Variants in KCNH7 observed in about 807,000 individuals in gnomAD.
KCNH7 encodes the protein voltage-gated inwardly rectifying potassium channel KCNH7.
A neutral mutation model predicts 120.8 loss-of-function variants in KCNH7; 49 were observed. The observed-to-expected ratio is 0.41, with a 90% CI of 0.32 to 0.51. KCNH7 has a LOEUF of 0.51. KCNH7 is among the 20% of genes least tolerant of loss of function. The pLI is 0.38. For synonymous variants in KCNH7, 547 were observed against 516.1 expected (o/e 1.06, Z -0.81); for missense variants, 1,097 against 1,446.6 (o/e 0.76, Z 3.92).
At chr2:162,387,145 T>C (rs1452894196) in intron 12 of KCNH7, among the ~76,000 whole-genome samples, 1 of 150,582 alleles carries the variant, frequency 6.6e-6, no homozygotes, top group Non-Finnish European at 1.5e-5. Context: ...CCTTTATTTC[T>C]GTATTAGTTG....
chr2:162,602,055 T>A (rs1436816037), intron 2 of KCNH7, among the ~76,000 whole-genome samples: 3 of 151,736 alleles, frequency 2.0e-5, no homozygotes, highest in South Asian at 4.2e-4. Flanking sequence ...GGGGGTGGAG[T>A]CAGAGTTGGA....
chr2:162,446,107 C>A lies in KCNH7; in HGVS notation c.1465G>T (p.Ala489Ser). ...EEVVSDPAKI[A>S]IHYFKGWFLI... ...AACCAGCCTTTGAAGTAGTGTATTGCTATTTTGGCGGGATCACTTACCACT... is the reference window on the plus strand; with the variant it reads ...AACCAGCCTTTGAAGTAGTGTATTGATATTTTGGCGGGATCACTTACCACT... Residue 489 changes from alanine to serine, a missense_variant, in exon 7 of 16, where the codon GCA becomes TCA. Ala to Ser is a moderately conservative substitution (Grantham distance 99). Coordinates refer to ENST00000332142, the MANE Select transcript of KCNH7 (RefSeq NM_033272.4). The A allele has an allele frequency of 6.2e-7, 1 of 1,613,858 alleles. No homozygotes were observed. The highest frequency in any genetic ancestry group is 8.5e-7 in the Non-Finnish European group (1 of 1,179,842).
chr2:162,769,622 T>C (rs1475969744), intron 2 of KCNH7, among the ~76,000 whole-genome samples: 3 of 152,008 alleles, frequency 2.0e-5, no homozygotes, highest in Non-Finnish European at 4.4e-5. Context: ...AACTGAATTG[T>C]ATATACTATA....
chr2:162,775,725 T>C (rs936438734), intron 2 of KCNH7, among the ~76,000 whole-genome samples: 2 of 152,200 alleles, frequency 1.3e-5, no homozygotes, highest in African/African-American at 4.8e-5. Context: ...CTATACAATT[T>C]CATTTTCTTG....
At chr2:162,571,245 C>T (rs946168450) in intron 2 of KCNH7, among the ~76,000 whole-genome samples, 35 of 152,156 alleles carry the variant, frequency 2.3e-4, no homozygotes, top group African/African-American at 7.9e-4. Context: ...TTCTTATACA[C>T]CAACAACAGA....
intron 9 of KCNH7, among the ~76,000 whole-genome samples, chr2:162,407,221 T>C (rs2105457426): frequency 6.6e-6 from 1 of 152,124 alleles, no homozygotes; most frequent in Non-Finnish European, 1.5e-5. Context: ...ATATGATTTA[T>C]ATCCCTTAGG....
chr2:162,761,955 T>C (rs1688982842), intron 2 of KCNH7, among the ~76,000 whole-genome samples: 1 of 152,052 alleles, frequency 6.6e-6, no homozygotes, highest in Admixed American at 6.6e-5. Flanking sequence ...CTTAATGTAA[T>C]TTGAGTTGAG....
chr2:162,692,641 G>C (rs1349766229), intron 2 of KCNH7, among the ~76,000 whole-genome samples: 1 of 152,084 alleles, frequency 6.6e-6, no homozygotes, highest in African/African-American at 2.4e-5. Context: ...TGATATTTTA[G>C]AGTATAGGAT....
At chr2:162,747,603 T>C (rs1049493917) in intron 2 of KCNH7, among the ~76,000 whole-genome samples, 1 of 152,132 alleles carries the variant, frequency 6.6e-6, no homozygotes, top group Non-Finnish European at 1.5e-5. Flanking sequence ...CACCCAATAG[T>C]CTAGTTCAAG....
chr2:162,571,690 A>C (rs1397729460), intron 2 of KCNH7, among the ~76,000 whole-genome samples: 2 of 142,248 alleles, frequency 1.4e-5, no homozygotes, highest in Non-Finnish European at 3.0e-5. Flanking sequence ...ACTGGTACCA[A>C]AACAGAGATA....
At chr2:162,434,600 C>T (rs895732835) in intron 8 of KCNH7, among the ~76,000 whole-genome samples, 1 of 151,618 alleles carries the variant, frequency 6.6e-6, no homozygotes, top group Non-Finnish European at 1.5e-5. Flanking sequence ...TGACATTAAC[C>T]AATCACTTAG....
At chr2:162,565,738 CTTTA>C (rs1056321746) in intron 2 of KCNH7, among the ~76,000 whole-genome samples, 6 of 151,918 alleles carry the variant, frequency 3.9e-5, no homozygotes, top group African/African-American at 1.4e-4. Flanking sequence ...TATTTATAAA[CTTTA>C]TTTATAAAGT....
chr2:162,575,577 G>A (rs1294803790), intron 2 of KCNH7, among the ~76,000 whole-genome samples: 2 of 151,948 alleles, frequency 1.3e-5, no homozygotes, highest in Non-Finnish European at 2.9e-5. Context: ...TTACCCCCAT[G>A]TTTCCTGAAT....
At chr2:162,782,659 T>G (rs1253941345) in intron 2 of KCNH7, among the ~76,000 whole-genome samples, 2 of 152,114 alleles carry the variant, frequency 1.3e-5, no homozygotes. Context: ...CCAGAGAGAT[T>G]TAATGAAGAA....
chr2:162,711,359 A>T (rs1330756147), intron 2 of KCNH7, among the ~76,000 whole-genome samples: 1 of 152,242 alleles, frequency 6.6e-6, no homozygotes, highest in Non-Finnish European at 1.5e-5. Context: ...TTTGCCAGGA[A>T]GGCACTTGAA....
intron 2 of KCNH7, among the ~76,000 whole-genome samples, chr2:162,822,688 G>A (rs1685156807): frequency 1.3e-5 from 2 of 152,176 alleles, no homozygotes. Flanking sequence ...TTATTGAGCA[G>A]CTACTCTGTG....
chr2:162,682,383 C>T (rs1157726400), intron 2 of KCNH7, among the ~76,000 whole-genome samples: 1 of 150,766 alleles, frequency 6.6e-6, no homozygotes, highest in African/African-American at 2.4e-5. Context: ...AGAACCGATT[C>T]ATTAATAAGT....
At chr2:162,462,537 AAGAGAGAGAG>A (rs10589133) in intron 6 of KCNH7, among the ~76,000 whole-genome samples, 2 of 147,598 alleles carry the variant, frequency 1.4e-5, no homozygotes, top group Admixed American at 6.7e-5. Context: ...GAGAGAGAGC[AAGAGAGAGAG>A]AGAGAGAGAG....
intron 4 of KCNH7, 53 bp from the exon 5 acceptor site, chr2:162,512,727 A>G: frequency 7.6e-7 from 1 of 1,312,398 alleles, no homozygotes; most frequent in Non-Finnish European, 1.1e-6. Context: ...GAAGACTAAA[A>G]TTATATTATA....
Sources: gnomAD v4.1 joint callset for allele counts (sites outside exome capture counted in the v4.1 genomes callset) on GRCh38, gnomAD v4.1.1 for gene constraint, MANE v1.5 for transcripts, NCBI Gene and HGNC (gene_info 2026-07-23, HGNC 2026-07-21) for gene names.